Variants in GALNT13 observed in about 807,000 individuals in gnomAD.
GALNT13 encodes polypeptide N-acetylgalactosaminyltransferase 13.
Under a neutral mutation model 64.2 loss-of-function variants are expected in GALNT13, and 28 were observed. The observed-to-expected ratio is 0.44, with a 90% CI of 0.32 to 0.60. The LOEUF (loss-of-function observed/expected upper bound fraction) is 0.60, where lower values mean the gene tolerates loss of function less well. Among genes scored for constraint, GALNT13 ranks in the 20% least tolerant of loss-of-function variants. The pLI is 0.05. For synonymous variants in GALNT13, 214 were observed against 224.6 expected (o/e 0.95, Z 0.42); for missense variants, 577 against 669.8 (o/e 0.86, Z 1.53).
the GALNT13 span, among the ~76,000 whole-genome samples, chr2:153,363,270 C>T: frequency 6.6e-6 from 1 of 152,068 alleles, no homozygotes; most frequent in African/African-American, 2.4e-5. Flanking sequence ...GAAATGCCCA[C>T]ATCAGAAAGC....
the GALNT13 span, among the ~76,000 whole-genome samples, chr2:153,796,377 G>A: frequency 3.3e-5 from 5 of 152,106 alleles, no homozygotes; most frequent in Non-Finnish European, 7.4e-5. Flanking sequence ...CCTGCTTTAT[G>A]CATTATTTAA....
the GALNT13 span, among the ~76,000 whole-genome samples, chr2:153,842,209 A>T: frequency 6.6e-6 from 1 of 152,166 alleles, no homozygotes; most frequent in Non-Finnish European, 1.5e-5. Flanking sequence ...GATGAAAAGG[A>T]AGTAAACTGA....
At chr2:154,184,055 AC>A (rs2105737509) in intron 4 of GALNT13, among the ~76,000 whole-genome samples, 1 of 151,888 alleles carries the variant, frequency 6.6e-6, no homozygotes, top group East Asian at 1.9e-4. Context: ...TCATGAATTA[AC>A]CCATATATTA....
chr2:153,515,710 A>G, the GALNT13 span, among the ~76,000 whole-genome samples: 1 of 152,186 alleles, frequency 6.6e-6, no homozygotes, highest in Admixed American at 6.5e-5. Context: ...TACGGGAAGT[A>G]GGGAAGGCTT....
the GALNT13 span, among the ~76,000 whole-genome samples, chr2:153,649,812 G>A: frequency 1.3e-5 from 2 of 152,128 alleles, no homozygotes; most frequent in South Asian, 2.1e-4. Context: ...TAGTTTGATT[G>A]CACTGTGGTC....
chr2:154,024,455 C>G (rs1558915686), intron 3 of GALNT13, among the ~76,000 whole-genome samples: 1 of 152,200 alleles, frequency 6.6e-6, no homozygotes, highest in Non-Finnish European at 1.5e-5. Flanking sequence ...TCTTCCATCA[C>G]TGATACCCTT....
At chr2:153,129,723 T>C in the GALNT13 span, among the ~76,000 whole-genome samples, 1 of 151,684 alleles carries the variant, frequency 6.6e-6, no homozygotes, top group Non-Finnish European at 1.5e-5. Flanking sequence ...TGAGCCAAGA[T>C]CGTGCCACTG....
At chr2:154,284,892 T>C (rs937768588) in intron 8 of GALNT13, among the ~76,000 whole-genome samples, 3 of 152,304 alleles carry the variant, frequency 2.0e-5, no homozygotes, top group South Asian at 2.1e-4. Flanking sequence ...ATAACACTTA[T>C]TATCATTCAT....
At chr2:154,053,285 A>G (rs370976655) in intron 3 of GALNT13, among the ~76,000 whole-genome samples, 1 of 152,206 alleles carries the variant, frequency 6.6e-6, no homozygotes, top group African/African-American at 2.4e-5. Flanking sequence ...TCGCATTAAC[A>G]TCGTATGCAA....
the GALNT13 span, among the ~76,000 whole-genome samples, chr2:153,726,849 A>G: frequency 6.7e-6 from 1 of 149,576 alleles, no homozygotes; most frequent in Non-Finnish European, 1.5e-5. Flanking sequence ...CTGAGGCGGG[A>G]GAATGGTGTG....
the GALNT13 span, among the ~76,000 whole-genome samples, chr2:153,446,428 A>G: frequency 6.6e-6 from 1 of 152,184 alleles, no homozygotes; most frequent in Non-Finnish European, 1.5e-5. Context: ...TTTATTTTAC[A>G]CTGGGGAAAT....
In GALNT13 at chr2:154,408,912, G is replaced by A. The variant is rs969979631; in HGVS notation, c.1297-72G>A. ...TTCAGTTAACAATAGATAGTAACAT[G>A]AGAAGGATTTGATGACTTAAATAAC... On this transcript the variant is annotated intron_variant, in intron 10 of 12. Coordinates refer to ENST00000392825, the MANE Select transcript of GALNT13 (RefSeq NM_052917.4). 22 of 896,526 alleles carry A rather than the reference G, an allele frequency of 2.5e-5. No individual in the cohort carries two copies. The African/African-American group carries it at 3.7e-4, about 15-fold the overall frequency. The allele number at this position is 896,526 out of a possible 1,614,324, so 55.5% of individuals were successfully genotyped here. A position where few individuals can be genotyped will look rare whatever the true frequency, so the allele number is the denominator to read the frequency against.
chr2:153,127,551 G>A, the GALNT13 span, among the ~76,000 whole-genome samples: 6 of 151,994 alleles, frequency 3.9e-5, no homozygotes, highest in African/African-American at 1.4e-4. Context: ...GGAACCTGGG[G>A]AACCGTAATC....
the GALNT13 span, among the ~76,000 whole-genome samples, chr2:153,672,768 G>A: frequency 1.6e-5 from 2 of 128,162 alleles, no homozygotes; most frequent in Non-Finnish European, 3.4e-5. Flanking sequence ...AATCCAGGAG[G>A]TGTTTTTTTT....
chr2:154,284,440 CCCTT>C (rs1692141435), intron 8 of GALNT13, among the ~76,000 whole-genome samples: 1 of 151,706 alleles, frequency 6.6e-6, no homozygotes, highest in African/African-American at 2.4e-5. Context: ...TAACATAATT[CCCTT>C]CCTTTTTTCA....
the GALNT13 span, among the ~76,000 whole-genome samples, chr2:153,191,388 G>C: frequency 6.6e-6 from 1 of 152,162 alleles, no homozygotes; most frequent in African/African-American, 2.4e-5. Context: ...TATGTAGGTT[G>C]AGCTATCATA....
chr2:153,899,935 A>AT (rs1167875826), intron 1 of GALNT13, among the ~76,000 whole-genome samples: 8,341 of 97,706 alleles, frequency 0.085, 643 homozygotes, highest in Admixed American at 0.23. Context: ...ATATATATAT[A>AT]TTTTTTTTTT....
the GALNT13 span, among the ~76,000 whole-genome samples, chr2:153,760,067 G>A: frequency 6.6e-6 from 1 of 151,690 alleles, no homozygotes; most frequent in Non-Finnish European, 1.5e-5. Flanking sequence ...TTATTTATTG[G>A]TTGGCATACA....
At chr2:154,328,977 C>T (rs992645269) in intron 9 of GALNT13, among the ~76,000 whole-genome samples, 1 of 152,018 alleles carries the variant, frequency 6.6e-6, no homozygotes, top group African/African-American at 2.4e-5. Flanking sequence ...CTCACAATTT[C>T]GTTCATGTTT....
Sources: allele counts gnomAD v4.1 joint callset (sites outside exome capture counted in the v4.1 genomes callset), GRCh38; gene constraint gnomAD v4.1.1; transcripts MANE v1.5; gene names NCBI Gene and HGNC (gene_info 2026-07-23, HGNC 2026-07-21).